Variants in NRXN3 observed in about 807,000 individuals in gnomAD.
The protein encoded by NRXN3 is neurexin III.
NRXN3 carries 32 observed loss-of-function variants against 137.6 expected under a neutral mutation model. The observed-to-expected ratio is 0.23, with a 90% confidence interval of 0.18 to 0.31. The LOEUF (loss-of-function observed/expected upper bound fraction) is 0.31. Among genes scored for constraint, NRXN3 ranks in the 10% least tolerant of loss-of-function variants. NRXN3 has a pLI of 1.00. For synonymous variants in NRXN3, 798 were observed against 784.5 expected (o/e 1.02, Z -0.29); for missense variants, 1,574 against 2,062.5 (o/e 0.76, Z 4.59).
chr14:79,198,534 T>C (rs1361888689), intron 15 of NRXN3, among the ~76,000 whole-genome samples: 2 of 152,244 alleles, frequency 1.3e-5, no homozygotes, highest in East Asian at 3.8e-4. Flanking sequence ...AGCTGAACGA[T>C]GTGCATTACT....
chr14:78,734,206 A>AAAAC (rs1282058652), intron 8 of NRXN3, among the ~76,000 whole-genome samples: 1 of 137,702 alleles, frequency 7.3e-6, no homozygotes, highest in African/African-American at 2.7e-5. Context: ...CTGCATCTGA[A>AAAAC]ACACACACAC....
At position 78,346,264 on chromosome 14, in the gene NRXN3, T is replaced by C. The variant is rs143838902; in HGVS notation, c.757+48404T>C. ...GGGTCACTGGAATCAGATGTCCATC[T>C]TCCCAACTCCAGAAGGTTGGCCTAA... On this transcript the variant is annotated intron_variant, in intron 4 of 20. Transcript: ENST00000335750. 3.5e-3 allele frequency among the ~76,000 whole-genome samples: 527 copies of C among 152,292 alleles called. 3 individuals are homozygous for C. The highest frequency in any genetic ancestry group is 0.012 in the African/African-American group (496 of 41,582).
At chr14:78,403,690 G>A in intron 4 of NRXN3, 4 of 985,024 alleles carry the variant, frequency 4.1e-6, no homozygotes, top group Non-Finnish European at 4.8e-6. Flanking sequence ...TGTTAGGAAG[G>A]CAGCTTCCTG....
intron 4 of NRXN3, among the ~76,000 whole-genome samples, chr14:78,469,137 C>T (rs2153726524): frequency 6.6e-6 from 1 of 152,152 alleles, no homozygotes; most frequent in Middle Eastern, 3.4e-3. Flanking sequence ...TGAGTCTCAT[C>T]CAAGGCCAAT....
intron 16 of NRXN3, among the ~76,000 whole-genome samples, chr14:79,502,550 C>T (rs1245490859): frequency 2.0e-5 from 3 of 151,922 alleles, no homozygotes; most frequent in African/African-American, 7.3e-5. Flanking sequence ...TCTCCCTCTC[C>T]CTCTTCCTCT....
intron 10 of NRXN3, among the ~76,000 whole-genome samples, chr14:78,942,880 A>T (rs31445): frequency 0.11 from 17,043 of 152,190 alleles, 1,233 homozygotes; most frequent in African/African-American, 0.19. Flanking sequence ...ACCCTGTAAA[A>T]ATGTACAATT....
intron 4 of NRXN3, among the ~76,000 whole-genome samples, chr14:78,440,476 C>T (rs1004752048): frequency 2.6e-5 from 4 of 151,768 alleles, no homozygotes; most frequent in African/African-American, 9.7e-5. Flanking sequence ...TGCAAAGATG[C>T]TTTGTTGGGA....
intron 11 of NRXN3, among the ~76,000 whole-genome samples, chr14:78,961,594 C>T (rs1490089018): frequency 6.6e-6 from 1 of 152,216 alleles, no homozygotes; most frequent in East Asian, 1.9e-4. Flanking sequence ...GCCATAGGCA[C>T]TCTATTAAAA....
chr14:79,066,404 G>C (rs1253354009), intron 15 of NRXN3, among the ~76,000 whole-genome samples: 3 of 152,124 alleles, frequency 2.0e-5, no homozygotes, highest in African/African-American at 7.2e-5. Context: ...TTGTAGAATA[G>C]TTTAAAGTCA....
intron 10 of NRXN3, among the ~76,000 whole-genome samples, chr14:78,860,027 A>C (rs1229552524): frequency 6.6e-6 from 1 of 152,150 alleles, no homozygotes; most frequent in Non-Finnish European, 1.5e-5. Context: ...ATGTAGGCTT[A>C]ATTCCTTTCT....
In NRXN3 at chr14:78,781,604, G is replaced by C. The variant is rs185907283; in HGVS notation, c.2045-22016G>C. 5.7e-4 allele frequency among the ~76,000 whole-genome samples: 87 copies of C among 152,206 alleles called. 1 individual carries two copies. The highest frequency in any genetic ancestry group is 1.0e-3 in the Non-Finnish European group (69 of 68,012). ...TGACTCAACCAAATTATATATGACC[G>C]CATAGCATGACATTCAGCCTCATTG... is the stretch of plus-strand genomic sequence containing the variant. On this transcript the variant is annotated intron_variant, in intron 8 of 20. Coordinates refer to ENST00000335750, the MANE Select transcript of NRXN3 (RefSeq NM_001330195.2).
At chr14:79,001,799 A>G (rs2099541913) in intron 15 of NRXN3, among the ~76,000 whole-genome samples, 1 of 152,208 alleles carries the variant, frequency 6.6e-6, no homozygotes. Flanking sequence ...TTGTCAATTA[A>G]TAGAAGGTGA....
chr14:78,218,807 G>A (rs184809045), intron 1 of NRXN3, among the ~76,000 whole-genome samples: 6 of 152,306 alleles, frequency 3.9e-5, no homozygotes, highest in Admixed American at 3.9e-4. Context: ...CTGAAAGAGA[G>A]CCCCTCTGTA....
At chr14:78,822,257 A>G (rs1209602731) in intron 10 of NRXN3, among the ~76,000 whole-genome samples, 2 of 152,220 alleles carry the variant, frequency 1.3e-5, no homozygotes, top group Non-Finnish European at 2.9e-5. Flanking sequence ...TTATTATAGT[A>G]AAAACAATAG....
At chr14:79,487,617 C>G (rs1401922646) in intron 16 of NRXN3, among the ~76,000 whole-genome samples, 1 of 146,130 alleles carries the variant, frequency 6.8e-6, no homozygotes, top group African/African-American at 2.7e-5. Flanking sequence ...ATCTATCCCT[C>G]CAGAAGTCTA....
At chr14:78,614,216 A>G (rs1034934268) in intron 4 of NRXN3, among the ~76,000 whole-genome samples, 1 of 152,216 alleles carries the variant, frequency 6.6e-6, no homozygotes, top group African/African-American at 2.4e-5. Context: ...AGGGTGTCAA[A>G]CAGTTCAGCA....
chr14:78,284,573 CAT>C (rs963960448), intron 3 of NRXN3, among the ~76,000 whole-genome samples: 4 of 152,308 alleles, frequency 2.6e-5, no homozygotes, highest in East Asian at 3.9e-4. Flanking sequence ...CCTTTAAGCA[CAT>C]GTTTCCATTT....
chr14:79,740,711 TTTATA>T (rs1568073056), intron 19 of NRXN3, among the ~76,000 whole-genome samples: 9 of 14,902 alleles, frequency 6.0e-4, no homozygotes, highest in Non-Finnish European at 7.6e-4. Context: ...CATTTAGTTT[TTTATA>T]TATATATATA....
chr14:79,409,677 A>G (rs1157697147), intron 15 of NRXN3, among the ~76,000 whole-genome samples: 1 of 148,260 alleles, frequency 6.7e-6, no homozygotes, highest in Non-Finnish European at 1.5e-5. Context: ...AAAAAATGAA[A>G]TGCCTACATT....
Sources: gnomAD v4.1 joint callset for allele counts (sites outside exome capture counted in the v4.1 genomes callset) on GRCh38, gnomAD v4.1.1 for gene constraint, MANE v1.5 for transcripts, NCBI Gene and HGNC (gene_info 2026-07-23, HGNC 2026-07-21) for gene names.